The following L3MBTL4 variants were observed in gnomAD, a reference collection of about 807,000 sequenced individuals.
L3MBTL4 encodes lethal(3)malignant brain tumor-like protein 4.
L3MBTL4 carries 70 observed loss-of-function variants against 84.5 expected under a neutral mutation model. The ratio of observed to expected loss-of-function variants is 0.83; its 90% CI spans 0.68 to 1.01. The LOEUF is 1.01. Among genes scored for constraint, L3MBTL4 ranks in the 50% least tolerant of loss-of-function variants. The pLI is 0.00. For missense variants in L3MBTL4, 715 were observed against 754.8 expected, an observed-to-expected ratio of 0.95 and a Z score of 0.62; for synonymous variants, 274 against 259.8, an observed-to-expected ratio of 1.05 and a Z score of -0.52.
chr18:6,216,707 T>C (rs983710769), intron 10 of L3MBTL4, among the ~76,000 whole-genome samples: 1 of 152,198 alleles, frequency 6.6e-6, no homozygotes, highest in Non-Finnish European at 1.5e-5. Context: ...TTTAAAAATA[T>C]GTATTCTTCT....
chr18:5,993,117 T>G (rs2053779102), intron 16 of L3MBTL4, among the ~76,000 whole-genome samples: 1 of 152,186 alleles, frequency 6.6e-6, no homozygotes, highest in African/African-American at 2.4e-5. Flanking sequence ...CCTCGTGGCC[T>G]GTTCTCTTTC....
At chr18:6,269,203 C>T (rs2048761791) in intron 4 of L3MBTL4, among the ~76,000 whole-genome samples, 2 of 152,176 alleles carry the variant, frequency 1.3e-5, no homozygotes, top group Non-Finnish European at 2.9e-5. Context: ...TGGCTCACGC[C>T]TGTAATCCCA....
In L3MBTL4 at chr18:5,996,280, TC is replaced by T. The variant is rs1179606619; in HGVS notation, c.1445-26719del. Among the ~76,000 whole-genome samples, 56 of 152,318 alleles carry T rather than the reference TC, an allele frequency of 3.7e-4. 1 individual carries two copies. The highest frequency in any genetic ancestry group is 1.3e-3 in the African/African-American group (56 of 41,572). On this transcript the variant is annotated intron_variant, in intron 16 of 18. Coordinates refer to ENST00000317931, the MANE Select transcript of L3MBTL4 (RefSeq NM_001330559.2). ...TTCCGAAATAGATGATTCTGATGAT[TC>T]AGACGATCTTGATGTTAGTTCTGTT...
chr18:6,132,249 C>A (rs1427229848), intron 14 of L3MBTL4, among the ~76,000 whole-genome samples: 14 of 152,118 alleles, frequency 9.2e-5, no homozygotes, highest in Admixed American at 9.2e-4. Flanking sequence ...TTCATAACTC[C>A]CCTTTATAAA....
At chr18:6,023,738 C>T (rs2055372970) in intron 16 of L3MBTL4, among the ~76,000 whole-genome samples, 1 of 152,130 alleles carries the variant, frequency 6.6e-6, no homozygotes, top group South Asian at 2.1e-4. Flanking sequence ...TGGGGCTGTA[C>T]CTTTCACACC....
At position 6,177,273 on chromosome 18, in the gene L3MBTL4, A is replaced by G. The variant is rs528823255; in HGVS notation, c.982-5331T>C. ...ACAAGTGTGCAATGTCCATAAAACG[A>G]ATGCTAGTTCAGCAATAAAAAGGGA... On this transcript the variant is annotated intron_variant, in intron 12 of 18. Transcript: ENST00000317931. Among the ~76,000 whole-genome samples the G allele has an allele frequency of 2.1e-3, 314 of 152,370 alleles. 1 individual carries two copies. Among genetic ancestry groups the G allele is most frequent in the Middle Eastern group, 6.8e-3 (2 of 294 alleles).
At chr18:6,397,140 A>G (rs2055305822) in intron 1 of L3MBTL4, 1 of 152,246 alleles carries the variant, frequency 6.6e-6, no homozygotes. Context: ...GGCCGCACTG[A>G]GCAGACAGAA....
chr18:5,976,569 A>G (rs1029839880), intron 16 of L3MBTL4, among the ~76,000 whole-genome samples: 1 of 152,142 alleles, frequency 6.6e-6, no homozygotes, highest in Non-Finnish European at 1.5e-5. Flanking sequence ...CAATAACAGA[A>G]GGCGTGAAGA....
chr18:6,192,268 A>C (rs755149013), intron 12 of L3MBTL4, among the ~76,000 whole-genome samples: 1 of 152,188 alleles, frequency 6.6e-6, no homozygotes, highest in Non-Finnish European at 1.5e-5. Context: ...TGGCAGACAT[A>C]ATACCATATT....
intron 12 of L3MBTL4, among the ~76,000 whole-genome samples, chr18:6,194,826 T>C (rs2045302773): frequency 6.6e-6 from 1 of 152,184 alleles, no homozygotes; most frequent in African/African-American, 2.4e-5. Flanking sequence ...CCTGCCCAGG[T>C]CCTTGGGGTG....
At chr18:6,012,762 G>T (rs1299253485) in intron 16 of L3MBTL4, among the ~76,000 whole-genome samples, 1 of 151,914 alleles carries the variant, frequency 6.6e-6, no homozygotes, top group Non-Finnish European at 1.5e-5. Context: ...CACAGAGCAA[G>T]ACCCTGTCTC....
At chr18:6,310,454 G>A (rs2050776458) in intron 3 of L3MBTL4, among the ~76,000 whole-genome samples, 2 of 152,150 alleles carry the variant, frequency 1.3e-5, no homozygotes, top group African/African-American at 4.8e-5. Flanking sequence ...TGAACATCTT[G>A]AAACCAACCT....
intron 1 of L3MBTL4, among the ~76,000 whole-genome samples, chr18:6,360,523 TCA>T (rs2053640560): frequency 8.5e-5 from 13 of 152,354 alleles, no homozygotes; most frequent in Admixed American, 6.5e-4. Flanking sequence ...AGGAGATTTA[TCA>T]CTTTAATGTT....
At chr18:6,345,329 G>A (rs573315549) in intron 1 of L3MBTL4, among the ~76,000 whole-genome samples, 2 of 151,720 alleles carry the variant, frequency 1.3e-5, no homozygotes, top group South Asian at 2.1e-4. Flanking sequence ...CCCGTGAGGC[G>A]GAGGTTGCAG....
intron 16 of L3MBTL4, among the ~76,000 whole-genome samples, chr18:5,984,573 T>A (rs995287530): frequency 6.6e-6 from 1 of 152,204 alleles, no homozygotes; most frequent in Non-Finnish European, 1.5e-5. Context: ...AATATTTTTT[T>A]GGGGGGGAAG....
chr18:6,344,248 T>C (rs1286285621), intron 1 of L3MBTL4, among the ~76,000 whole-genome samples: 1 of 152,078 alleles, frequency 6.6e-6, no homozygotes, highest in African/African-American at 2.4e-5. Flanking sequence ...ATTTAAGCGA[T>C]CATAACACTA....
intron 1 of L3MBTL4, among the ~76,000 whole-genome samples, chr18:6,381,239 T>C (rs545069669): frequency 1.3e-4 from 20 of 152,332 alleles, no homozygotes; most frequent in African/African-American, 4.6e-4. Context: ...GCACATGAGA[T>C]GGGCCTCCTG....
intron 4 of L3MBTL4, among the ~76,000 whole-genome samples, chr18:6,274,953 T>C (rs576056468): frequency 2.6e-5 from 4 of 152,300 alleles, no homozygotes; most frequent in South Asian, 4.1e-4. Context: ...AGTGAATTTA[T>C]GATTATGCCT....
chr18:6,265,477 A>C (rs1333994919), intron 4 of L3MBTL4, among the ~76,000 whole-genome samples: 1 of 152,230 alleles, frequency 6.6e-6, no homozygotes, highest in African/African-American at 2.4e-5. Flanking sequence ...AATGCAAAGT[A>C]GTATTAATAT....
Sources: gnomAD v4.1 joint callset for allele counts (sites outside exome capture counted in the v4.1 genomes callset) on GRCh38, gnomAD v4.1.1 for gene constraint, MANE v1.5 for transcripts, NCBI Gene and HGNC (gene_info 2026-07-23, HGNC 2026-07-21) for gene names.